Variants in BACH2 observed in about 807,000 individuals in gnomAD.
BACH2 encodes transcription regulator protein BACH2.
In BACH2, 5 loss-of-function variants were observed where a neutral mutation model predicts 61.8. That is an observed-to-expected ratio of 0.08 (90% CI 0.04 to 0.17). The LOEUF (loss-of-function observed/expected upper bound fraction) is 0.17, where lower values mean the gene tolerates loss of function less well. BACH2 is among the 10% of genes least tolerant of loss of function. BACH2 has a pLI of 1.00. For missense variants in BACH2, 824 were observed against 1,091.1 expected, an observed-to-expected ratio of 0.76 and a Z score of 3.45; for synonymous variants, 446 against 440.1, an observed-to-expected ratio of 1.01 and a Z score of -0.17.
At chr6:90,166,980 G>A (rs980993185) in intron 4 of BACH2, among the ~76,000 whole-genome samples, 2 of 152,026 alleles carry the variant, frequency 1.3e-5, no homozygotes, top group African/African-American at 2.4e-5. Context: ...TGGGTGCAGC[G>A]CACCAACATG....
intron 2 of BACH2, among the ~76,000 whole-genome samples, chr6:90,255,212 C>A (rs1025027227): frequency 6.6e-6 from 1 of 152,186 alleles, no homozygotes; most frequent in Non-Finnish European, 1.5e-5. Flanking sequence ...TGTGGCCACA[C>A]AAGACTGATT....
chr6:90,069,205 G>A (rs1477555855), intron 5 of BACH2, among the ~76,000 whole-genome samples: 2 of 152,124 alleles, frequency 1.3e-5, no homozygotes, highest in Admixed American at 1.3e-4. Context: ...TCCGCTGCTG[G>A]GTCTGAGACA....
intron 3 of BACH2, among the ~76,000 whole-genome samples, chr6:90,239,523 T>G (rs1288763032): frequency 2.6e-5 from 4 of 152,202 alleles, no homozygotes; most frequent in Non-Finnish European, 5.9e-5. Context: ...ATAGCCACCC[T>G]GTAAGGTGTT....
chr6:90,007,097 CAG>C (rs929050220), intron 6 of BACH2, among the ~76,000 whole-genome samples: 22 of 151,738 alleles, frequency 1.4e-4, no homozygotes, highest in Non-Finnish European at 7.4e-5. Context: ...TTTTTTGAGA[CAG>C]GGTCTCGCCC....
chr6:90,179,808 C>A (rs1010162336), intron 4 of BACH2, among the ~76,000 whole-genome samples: 16 of 152,188 alleles, frequency 1.1e-4, no homozygotes, highest in African/African-American at 3.9e-4. Flanking sequence ...TGCAATCCCA[C>A]TCCTGGGAAC....
chr6:90,062,837 A>T, intron 5 of BACH2: 1 of 698,360 alleles, frequency 1.4e-6, no homozygotes, highest in Non-Finnish European at 1.8e-6. Flanking sequence ...TCCTGAGAGC[A>T]GTGTGGGTAT....
intron 6 of BACH2, among the ~76,000 whole-genome samples, chr6:89,954,307 T>A (rs210058): frequency 0.15 from 22,439 of 151,786 alleles, 1,798 homozygotes; most frequent in African/African-American, 0.2. Context: ...TCTTTTTTTT[T>A]TTATTATTAT....
At chr6:90,264,557 T>G (rs1055234813) in intron 2 of BACH2, among the ~76,000 whole-genome samples, 4 of 152,234 alleles carry the variant, frequency 2.6e-5, no homozygotes, top group Non-Finnish European at 4.4e-5. Context: ...GTAAATGCAT[T>G]TCTTGAGCAT....
At chr6:90,083,718 T>C (rs1362094053) in intron 5 of BACH2, among the ~76,000 whole-genome samples, 1 of 152,154 alleles carries the variant, frequency 6.6e-6, no homozygotes, top group African/African-American at 2.4e-5. Context: ...AAGCCAAAAC[T>C]TGCAGTTTCT....
intron 5 of BACH2, among the ~76,000 whole-genome samples, chr6:90,014,440 G>GTGTGTGTATA (rs1330299169): frequency 4.2e-5 from 2 of 48,038 alleles, no homozygotes; most frequent in African/African-American, 2.1e-4. Context: ...GTGTGTGTGT[G>GTGTGTGTATA]TATATATATA....
chr6:90,247,019 G>GA (rs897487876), intron 3 of BACH2, among the ~76,000 whole-genome samples: 18 of 149,736 alleles, frequency 1.2e-4, no homozygotes, highest in African/African-American at 3.7e-4. Flanking sequence ...TTACAAATGT[G>GA]AAAAAAAAAC....
chr6:90,098,279 C>A (rs1244438462), intron 4 of BACH2, among the ~76,000 whole-genome samples: 2 of 151,952 alleles, frequency 1.3e-5, no homozygotes, highest in African/African-American at 4.8e-5. Context: ...CTTTGCCCCC[C>A]CCGCAACCCC....
intron 4 of BACH2, among the ~76,000 whole-genome samples, chr6:90,156,769 T>C (rs1035703297): frequency 6.6e-6 from 1 of 151,958 alleles, no homozygotes; most frequent in African/African-American, 2.4e-5. Flanking sequence ...ACAACAAAAA[T>C]GCTATGAAAC....
At chr6:90,084,556 T>C (rs1467769648) in intron 5 of BACH2, among the ~76,000 whole-genome samples, 3 of 146,572 alleles carry the variant, frequency 2.0e-5, no homozygotes, top group Non-Finnish European at 3.0e-5. Flanking sequence ...TTTTTTTTGG[T>C]ATCTCAGCGG....
chr6:90,030,497 C>G (rs546231589), intron 5 of BACH2, among the ~76,000 whole-genome samples: 3 of 151,954 alleles, frequency 2.0e-5, no homozygotes, highest in Admixed American at 2.0e-4. Flanking sequence ...ATCAAATAGA[C>G]GCAATAAAAA....
intron 2 of BACH2, among the ~76,000 whole-genome samples, chr6:90,255,987 G>A (rs982146940): frequency 2.6e-5 from 4 of 152,086 alleles, no homozygotes; most frequent in African/African-American, 9.7e-5. Flanking sequence ...ATTTTCCAAC[G>A]GAGACTTGCC....
In BACH2 at chr6:89,932,525, G is replaced by T. The variant is rs1453301438; in HGVS notation, c.2409C>A (p.Thr803=). The change falls in exon 9 of 9, where the codon ACC becomes ACA. Residue 803 remains threonine (T), a synonymous_variant. Transcript: ENST00000257749. ...GRRLEGTDPG[T]FSERGPPLEP... ...CAAGAGGAGGTCCTCTCTCTGAGAA[G>T]GTTCCCGGGTCAGTGCCTTCTAGTC... The T allele has an allele frequency of 1.2e-6, 2 of 1,614,102 alleles. No homozygotes were observed. The highest frequency in any genetic ancestry group is 3.3e-5 in the Admixed American group (2 of 60,000).
At chr6:90,211,724 C>A (rs936614966) in intron 3 of BACH2, among the ~76,000 whole-genome samples, 2 of 151,996 alleles carry the variant, frequency 1.3e-5, no homozygotes, top group Non-Finnish European at 2.9e-5. Flanking sequence ...ACTCCCACCC[C>A]CTTCTATGAT....
At chr6:90,075,470 C>A (rs1781432026) in intron 5 of BACH2, among the ~76,000 whole-genome samples, 1 of 152,076 alleles carries the variant, frequency 6.6e-6, no homozygotes, top group Non-Finnish European at 1.5e-5. Context: ...TTCTCCTGTC[C>A]ACACTCAAAC....
Sources: allele counts gnomAD v4.1 joint callset (sites outside exome capture counted in the v4.1 genomes callset), GRCh38; gene constraint gnomAD v4.1.1; transcripts MANE v1.5; gene names NCBI Gene and HGNC (gene_info 2026-07-23, HGNC 2026-07-21).